NRXN1: variants seen among roughly 807,000 people sequenced by gnomAD.
NRXN1 encodes the protein neurexin 1.
In NRXN1, 39 loss-of-function variants were observed where a neutral mutation model predicts 150.9. That is an observed-to-expected ratio of 0.26 (90% confidence interval 0.20 to 0.34). The LOEUF is 0.34. Among genes scored for constraint, NRXN1 ranks in the 10% least tolerant of loss-of-function variants. The probability of loss-of-function intolerance (pLI) is 1.00; values close to 1 mark genes in which losing one functional copy is unlikely to be tolerated. For synonymous variants in NRXN1, 924 were observed against 757.0 expected (o/e 1.22, Z -3.62); for missense variants, 1,815 against 1,949.9 (o/e 0.93, Z 1.30).
intron 17 of NRXN1, among the ~76,000 whole-genome samples, chr2:50,424,426 A>G (rs1422325203): frequency 6.6e-6 from 1 of 151,888 alleles, no homozygotes; most frequent in East Asian, 2.0e-4. Context: ...ACCTGGACCT[A>G]GAACCTCTGA....
intron 13 of NRXN1, among the ~76,000 whole-genome samples, chr2:50,499,265 G>C (rs986729918): frequency 6.6e-6 from 1 of 151,982 alleles, no homozygotes; most frequent in Non-Finnish European, 1.5e-5. Context: ...CTCTTTTTTA[G>C]TCTTGATCCT....
At chr2:50,069,536 T>A (rs534890721) in intron 19 of NRXN1, among the ~76,000 whole-genome samples, 5 of 152,340 alleles carry the variant, frequency 3.3e-5, no homozygotes, top group Admixed American at 2.6e-4. Flanking sequence ...AGTGAAATAT[T>A]TGGCTTGACA....
chr2:50,729,893 A>G (rs1697875230), intron 5 of NRXN1, among the ~76,000 whole-genome samples: 1 of 152,164 alleles, frequency 6.6e-6, no homozygotes, highest in Non-Finnish European at 1.5e-5. Flanking sequence ...TCACACTCAC[A>G]GGATGCCTCT....
intron 2 of NRXN1, among the ~76,000 whole-genome samples, chr2:50,947,439 G>C (rs1690575281): frequency 7.2e-6 from 1 of 139,664 alleles, no homozygotes; most frequent in Non-Finnish European, 1.5e-5. Flanking sequence ...CAAAAGATCT[G>C]AAACAGTGAT....
intron 17 of NRXN1, among the ~76,000 whole-genome samples, chr2:50,419,980 C>A (rs1322729214): frequency 6.6e-6 from 1 of 151,920 alleles, no homozygotes; most frequent in South Asian, 2.1e-4. Context: ...ATCTGGCCAG[C>A]CTTACACGTG....
intron 8 of NRXN1, chr2:50,619,319 G>A (rs1300677317): frequency 6.6e-6 from 1 of 151,980 alleles, no homozygotes; most frequent in Non-Finnish European, 1.5e-5. Context: ...CAGCTTTTAT[G>A]GAAAATATTC....
At chr2:50,871,228 T>C (rs1008044519) in intron 5 of NRXN1, among the ~76,000 whole-genome samples, 1 of 151,910 alleles carries the variant, frequency 6.6e-6, no homozygotes, top group Admixed American at 6.6e-5. Context: ...TAAGCAAGAA[T>C]GCTCTCCTAT....
chr2:50,816,599 T>C (rs1668975100), intron 5 of NRXN1, among the ~76,000 whole-genome samples: 1 of 152,094 alleles, frequency 6.6e-6, no homozygotes. Flanking sequence ...GCTTACTGAT[T>C]GTTTGGTTCA....
At chr2:49,990,590 A>T (rs1573260259) in intron 21 of NRXN1, among the ~76,000 whole-genome samples, 1 of 152,178 alleles carries the variant, frequency 6.6e-6, no homozygotes. Flanking sequence ...TTGGTGGTGG[A>T]GAAGGCAGAG....
chr2:50,967,270 T>C (rs192583206), intron 2 of NRXN1, among the ~76,000 whole-genome samples: 25 of 152,106 alleles, frequency 1.6e-4, no homozygotes, highest in African/African-American at 4.3e-4. Context: ...TAGATTTATA[T>C]GAATTCTTTT....
chr2:50,261,516 C>T (rs2068279884), intron 17 of NRXN1, among the ~76,000 whole-genome samples: 2 of 151,654 alleles, frequency 1.3e-5, no homozygotes, highest in South Asian at 4.2e-4. Context: ...GTGCTGAAGT[C>T]CAAAGCCTCC....
At chr2:50,038,486 G>T (rs1446965405) in intron 21 of NRXN1, among the ~76,000 whole-genome samples, 1 of 152,148 alleles carries the variant, frequency 6.6e-6, no homozygotes, top group Non-Finnish European at 1.5e-5. Flanking sequence ...GCTTGAAAGT[G>T]AATGGCATCC....
chr2:50,786,131 G>T (rs185039796), intron 5 of NRXN1, among the ~76,000 whole-genome samples: 111 of 152,040 alleles, frequency 7.3e-4, no homozygotes, highest in African/African-American at 2.5e-3. Flanking sequence ...AACTATCCAA[G>T]ATTTTATTTA....
intron 9 of NRXN1, among the ~76,000 whole-genome samples, chr2:50,543,898 G>C (rs2105294120): frequency 6.6e-6 from 1 of 152,146 alleles, no homozygotes; most frequent in Middle Eastern, 3.4e-3. Flanking sequence ...TGCTGTAATA[G>C]GGAACCCTTT....
intron 17 of NRXN1, among the ~76,000 whole-genome samples, chr2:50,324,012 C>T (rs1007223782): frequency 2.6e-5 from 4 of 152,130 alleles, no homozygotes; most frequent in Non-Finnish European, 5.9e-5. Context: ...TGGAAAACTA[C>T]GTAAACATAT....
At chr2:50,222,965 A>C (rs2152860346) in intron 18 of NRXN1, among the ~76,000 whole-genome samples, 1 of 152,082 alleles carries the variant, frequency 6.6e-6, no homozygotes, top group South Asian at 2.1e-4. Context: ...TGTATTATTT[A>C]AATTTTTCAA....
chr2:50,572,719 C>A (rs567033878), intron 8 of NRXN1, among the ~76,000 whole-genome samples: 1 of 152,154 alleles, frequency 6.6e-6, no homozygotes, highest in Non-Finnish European at 1.5e-5. Flanking sequence ...TAAACCCTGA[C>A]AACCTCTGAG....
intron 21 of NRXN1, among the ~76,000 whole-genome samples, chr2:49,987,130 C>T (rs972076453): frequency 6.6e-6 from 1 of 152,116 alleles, no homozygotes; most frequent in Non-Finnish European, 1.5e-5. Context: ...TCCTCCTTAT[C>T]TAACTGTAAT....
intron 5 of NRXN1, among the ~76,000 whole-genome samples, chr2:50,861,043 G>A (rs559738597): frequency 6.6e-6 from 1 of 152,164 alleles, no homozygotes; most frequent in East Asian, 1.9e-4. Flanking sequence ...AATGGGCATA[G>A]ACATGATTAG....
Sources: allele counts gnomAD v4.1 joint callset (sites outside exome capture counted in the v4.1 genomes callset), GRCh38; gene constraint gnomAD v4.1.1; transcripts MANE v1.5; gene names NCBI Gene and HGNC (gene_info 2026-07-23, HGNC 2026-07-21).